The following MYO1C variants were observed in gnomAD, a reference collection of about 807,000 sequenced individuals.
MYO1C encodes myosin IC, also known as unconventional myosin-Ic.
In MYO1C, 104 loss-of-function variants were observed where a neutral mutation model predicts 150.8. The ratio of observed to expected loss-of-function variants is 0.69; its 90% CI spans 0.59 to 0.81. The LOEUF is 0.81. Among genes scored for constraint, MYO1C ranks in the 30% least tolerant of loss-of-function variants. MYO1C has a pLI of 0.00. For missense variants in MYO1C, 1,504 were observed against 1,435.0 expected (o/e 1.05, Z -0.78); for synonymous variants, 663 against 579.9 (o/e 1.14, Z -2.06).
In MYO1C at chr17:1,478,496, G is replaced by A; in HGVS notation, c.1213-4C>T. ...GCCAGCTGGGGCTCTCCACGTCCTAGGGCAGTCATTCAACCGAAGGCGTGG... is the reference window on the plus strand; with the variant it reads ...GCCAGCTGGGGCTCTCCACGTCCTAAGGCAGTCATTCAACCGAAGGCGTGG... On this transcript the variant is annotated splice_region_variant and splice_polypyrimidine_tract_variant and intron_variant, in intron 10 of 31. Coordinates refer to ENST00000648651, the MANE Select transcript of MYO1C (RefSeq NM_001080779.2). This position sits in a 1 kb window ranked among gnomAD's most constrained non-coding sequence, Gnocchi z 6.3. The A allele has an allele frequency of 6.2e-7, 1 of 1,614,114 alleles. No homozygotes were observed.
Sources: gnomAD v4.1 joint callset for allele counts on GRCh38, gnomAD v4.1.1 for gene constraint, Gnocchi (gnomAD v3.1) non-coding constraint, MANE v1.5 for transcripts, NCBI Gene and HGNC (gene_info 2026-07-23, HGNC 2026-07-21) for gene names.